BMPR2: variants seen among roughly 807,000 people sequenced by gnomAD.
BMPR2 encodes bone morphogenetic protein receptor type 2, also known as bone morphogenetic protein receptor type-2.
In BMPR2, 29 loss-of-function variants were observed where a neutral mutation model predicts 100.8. The ratio of observed to expected loss-of-function variants is 0.29; its 90% CI spans 0.21 to 0.39. The LOEUF (loss-of-function observed/expected upper bound fraction) is 0.39, where lower values mean the gene tolerates loss of function less well. BMPR2 is among the 10% of genes least tolerant of loss of function. The pLI is 1.00. For synonymous variants in BMPR2, 382 were observed against 442.3 expected, an observed-to-expected ratio of 0.86 and a Z score of 1.71; for missense variants, 1,011 against 1,274.5, an observed-to-expected ratio of 0.79 and a Z score of 3.15.
At chr2:202,427,935 T>C (rs1691424081) in intron 1 of BMPR2, among the ~76,000 whole-genome samples, 1 of 152,150 alleles carries the variant, frequency 6.6e-6, no homozygotes, top group Admixed American at 6.6e-5. Flanking sequence ...GCTGAGATCA[T>C]GCCAGTGTGC....
At chr2:202,448,897 C>G (rs1281583562) in intron 1 of BMPR2, among the ~76,000 whole-genome samples, 1 of 150,040 alleles carries the variant, frequency 6.7e-6, no homozygotes. Context: ...TTTGGGAAAG[C>G]TTGGATTATT....
chr2:202,520,634 G>A (rs760923121), intron 7 of BMPR2: 101 of 223,962 alleles, frequency 4.5e-4, no homozygotes, highest in Non-Finnish European at 8.0e-4. Context: ...GACCACCTGC[G>A]GTAGGCTGCC....
At chr2:202,457,542 T>TTATATA (rs775599027) in intron 1 of BMPR2, among the ~76,000 whole-genome samples, 170 of 134,044 alleles carry the variant, frequency 1.3e-3, no homozygotes, top group Non-Finnish European at 2.4e-3. Flanking sequence ...TAGCAATATT[T>TTATATA]TATATATATA....
chr2:202,551,741 C>A (rs1479873580), intron 10 of BMPR2, among the ~76,000 whole-genome samples: 2 of 152,122 alleles, frequency 1.3e-5, no homozygotes, highest in Admixed American at 6.5e-5. Flanking sequence ...ACTCTGTCAC[C>A]CGGGGAGGAG....
intron 3 of BMPR2, among the ~76,000 whole-genome samples, chr2:202,513,502 T>C (rs1255845553): frequency 1.3e-5 from 2 of 152,242 alleles, no homozygotes; most frequent in African/African-American, 4.8e-5. Context: ...ACTTGGTGTT[T>C]TAGTGTTCCA....
intron 7 of BMPR2, among the ~76,000 whole-genome samples, chr2:202,524,222 T>A (rs896336218): frequency 2.7e-5 from 4 of 150,302 alleles, no homozygotes; most frequent in Non-Finnish European, 5.9e-5. Flanking sequence ...ATTAGTCGGG[T>A]GTGGTGGTGG....
intron 12 of BMPR2, among the ~76,000 whole-genome samples, chr2:202,559,131 G>A (rs188003462): frequency 1.8e-4 from 27 of 151,672 alleles, no homozygotes; most frequent in African/African-American, 2.7e-4. Context: ...GAAACCCCCC[G>A]TCTCTACTAA....
At position 202,556,069 on chromosome 2, in the gene BMPR2, G is replaced by T; in HGVS notation, c.2404G>T (p.Val802Leu). The T allele has an allele frequency of 2.5e-6, 4 of 1,614,186 alleles. No individual in the cohort carries two copies. The South Asian group carries it at 3.3e-5, about 13-fold the overall frequency. Residue 802 changes from valine to leucine, a missense_variant, in exon 12 of 13, where the codon GTG (valine) becomes TTG (leucine). By Grantham distance (32) the Val-to-Leu change is conservative. This residue lies in a region of BMPR2 where 508 missense variants were observed against 552.0 expected (regional missense o/e 0.92). Coordinates refer to ENST00000374580, the MANE Select transcript of BMPR2 (RefSeq NM_001204.7). ...NTINAAEPHV[V>L]TVTMNGVAGR... ...AATCAATGCAGCAGAACCTCATGTG[G>T]TGACAGTCACCATGAATGGTGTGGC...
chr2:202,414,443 C>T (rs1397989774), intron 1 of BMPR2, among the ~76,000 whole-genome samples: 1 of 152,160 alleles, frequency 6.6e-6, no homozygotes, highest in Non-Finnish European at 1.5e-5. Context: ...GACAGAGTTG[C>T]ACGTTTTTCA....
At chr2:202,424,290 C>T (rs1267969341) in intron 1 of BMPR2, among the ~76,000 whole-genome samples, 1 of 151,926 alleles carries the variant, frequency 6.6e-6, no homozygotes, top group African/African-American at 2.4e-5. Context: ...AAGAGAATTG[C>T]TTGAACCCAG....
intron 9 of BMPR2, among the ~76,000 whole-genome samples, chr2:202,536,706 C>G (rs1268062261): frequency 6.6e-6 from 1 of 151,762 alleles, no homozygotes; most frequent in Non-Finnish European, 1.5e-5. Flanking sequence ...AACCCTGTCT[C>G]TACTAAAAAT....
chr2:202,420,289 G>C (rs1402024134), intron 1 of BMPR2, among the ~76,000 whole-genome samples: 2 of 151,894 alleles, frequency 1.3e-5, no homozygotes, highest in Non-Finnish European at 2.9e-5. Flanking sequence ...AAGAAATAAT[G>C]AGCAATTACA....
In BMPR2 at chr2:202,390,716, C is replaced by T. The variant is rs148897917; in HGVS notation, c.76+13166C>T. On this transcript the variant is annotated intron_variant, in intron 1 of 12. Coordinates refer to ENST00000374580, the MANE Select transcript of BMPR2 (RefSeq NM_001204.7). ...TTTGCCAGAGCAAAATAAATGATAT[C>T]TTGTTGGTTTAGAGTCCTTTAATTA... Among the ~76,000 whole-genome samples the T allele has an allele frequency of 7.1e-4, 108 of 152,156 alleles. 4 individuals carry two copies. In the East Asian group the frequency reaches 0.02, roughly 28 times the overall value.
At chr2:202,541,291 A>G (rs1369198721) in intron 9 of BMPR2, among the ~76,000 whole-genome samples, 1 of 152,050 alleles carries the variant, frequency 6.6e-6, no homozygotes, top group Admixed American at 6.6e-5. Context: ...AATATTTTTA[A>G]AAATTAGCTG....
intron 12 of BMPR2, among the ~76,000 whole-genome samples, chr2:202,557,066 C>T (rs1208203099): frequency 6.6e-6 from 1 of 152,024 alleles, no homozygotes; most frequent in Non-Finnish European, 1.5e-5. Flanking sequence ...CGTGGTGGCT[C>T]ATGCCTATAA....
intron 3 of BMPR2, among the ~76,000 whole-genome samples, chr2:202,508,751 T>C (rs1157583515): frequency 6.6e-6 from 1 of 152,216 alleles, no homozygotes; most frequent in Non-Finnish European, 1.5e-5. Context: ...AGTAAGTTTT[T>C]TATAATAAAA....
chr2:202,480,436 A>G (rs1692636555), intron 3 of BMPR2, among the ~76,000 whole-genome samples: 1 of 151,730 alleles, frequency 6.6e-6, no homozygotes, highest in Admixed American at 6.6e-5. Context: ...ACCTGAAACC[A>G]TTTTCTAATA....
intron 1 of BMPR2, among the ~76,000 whole-genome samples, chr2:202,388,396 CAAAAAAAA>C (rs71406975): frequency 2.7e-5 from 1 of 36,984 alleles, no homozygotes; most frequent in Non-Finnish European, 4.5e-5. Context: ...GACTCCATCT[CAAAAAAAA>C]AAAAAAAAAA....
chr2:202,500,255 C>T (rs1451111983), intron 3 of BMPR2, among the ~76,000 whole-genome samples: 5 of 152,186 alleles, frequency 3.3e-5, no homozygotes, highest in South Asian at 2.1e-4. Flanking sequence ...CGTTACCATC[C>T]GAGGAATCCT....
Sources: gnomAD v4.1 joint callset for allele counts (sites outside exome capture counted in the v4.1 genomes callset) on GRCh38, gnomAD v4.1.1 for gene constraint, gnomAD v4.1.1 regional missense constraint, MANE v1.5 for transcripts, NCBI Gene and HGNC (gene_info 2026-07-23, HGNC 2026-07-21) for gene names.